The following VOPP1 variants were observed in gnomAD, a reference collection of about 807,000 sequenced individuals.
The protein encoded by VOPP1 is VOPP1 WW domain binding protein, also known as WW domain binding protein VOPP1.
In VOPP1, 8 loss-of-function variants were observed where a neutral mutation model predicts 23.5. The ratio of observed to expected loss-of-function variants is 0.34; its 90% CI spans 0.20 to 0.61. The LOEUF (loss-of-function observed/expected upper bound fraction) is 0.61, where lower values mean the gene tolerates loss of function less well. Among genes scored for constraint, VOPP1 ranks in the 20% least tolerant of loss-of-function variants. The pLI is 0.78. For missense variants in VOPP1, 174 were observed against 238.1 expected (o/e 0.73, Z 1.77); for synonymous variants, 83 against 97.3 (o/e 0.85, Z 0.86).
At chr7:55,539,410 T>G (rs1012409942) in intron 1 of VOPP1, 3 of 152,120 alleles carry the variant, frequency 2.0e-5, no homozygotes, top group Non-Finnish European at 4.4e-5. Flanking sequence ...ACCAAATCAA[T>G]TATCTATGAG....
chr7:55,555,812 A>T (rs928952875), intron 1 of VOPP1, among the ~76,000 whole-genome samples: 6 of 152,190 alleles, frequency 3.9e-5, no homozygotes, highest in Non-Finnish European at 8.8e-5. Context: ...CTGCTTACAA[A>T]AACCTTTCGG....
intron 1 of VOPP1, among the ~76,000 whole-genome samples, chr7:55,564,936 C>G (rs1277545466): frequency 6.6e-6 from 1 of 152,118 alleles, no homozygotes; most frequent in East Asian, 1.9e-4. Context: ...AAATGTGACT[C>G]CTAACGACCA....
intron 2 of VOPP1, among the ~76,000 whole-genome samples, chr7:55,499,637 G>A (rs964992025): frequency 6.6e-6 from 1 of 152,220 alleles, no homozygotes; most frequent in South Asian, 2.1e-4. Context: ...TTGAGAGCAC[G>A]AGGCAGCAGG....
chr7:55,522,940 C>T (rs773728947), intron 1 of VOPP1, among the ~76,000 whole-genome samples: 1 of 152,232 alleles, frequency 6.6e-6, no homozygotes, highest in Non-Finnish European at 1.5e-5. Context: ...ACTTTTTCTT[C>T]CAATCAGACA....
At chr7:55,450,771 T>C (rs1357209155) in intron 4 of VOPP1, among the ~76,000 whole-genome samples, 2 of 152,240 alleles carry the variant, frequency 1.3e-5, no homozygotes, top group African/African-American at 4.8e-5. Context: ...AGGATTGTCA[T>C]TGGTAAGGGC....
chr7:55,479,584 C>T (rs1216552834), intron 4 of VOPP1, among the ~76,000 whole-genome samples: 1 of 152,082 alleles, frequency 6.6e-6, no homozygotes, highest in Admixed American at 6.5e-5. Flanking sequence ...TTTCTCCTTC[C>T]TGATGGTTGA....
intron 4 of VOPP1, among the ~76,000 whole-genome samples, chr7:55,438,758 C>T (rs1790893196): frequency 6.6e-6 from 1 of 152,170 alleles, no homozygotes; most frequent in East Asian, 1.9e-4. Flanking sequence ...TTATCTGGCC[C>T]ACATTGTAAA....
chr7:55,520,944 G>T, intron 2 of VOPP1, 128 bp downstream of exon 2: 1 of 959,984 alleles, frequency 1.0e-6, no homozygotes, highest in Non-Finnish European at 1.6e-6. Flanking sequence ...AGTGAGGCAA[G>T]CCTGGCACCG....
intron 3 of VOPP1, among the ~76,000 whole-genome samples, chr7:55,494,033 C>T (rs1042062225): frequency 5.9e-5 from 9 of 152,018 alleles, no homozygotes; most frequent in Non-Finnish European, 1.2e-4. Context: ...GTGGAAAGAA[C>T]ACAGAGCAGG....
chr7:55,494,191 A>G (rs815952), intron 3 of VOPP1, among the ~76,000 whole-genome samples: 136,556 of 152,240 alleles, frequency 0.9, 61,413 homozygotes, highest in African/African-American at 0.92. Flanking sequence ...AAGAACACTC[A>G]CTAAGTTCCC....
chr7:55,543,089 G>A (rs1303631450), intron 1 of VOPP1, among the ~76,000 whole-genome samples: 1 of 151,866 alleles, frequency 6.6e-6, no homozygotes, highest in African/African-American at 2.4e-5. Flanking sequence ...CTAATTTTTT[G>A]TGTTTTTAGT....
At chr7:55,522,001 T>C (rs1187073474) in intron 1 of VOPP1, 3 of 703,938 alleles carry the variant, frequency 4.3e-6, no homozygotes, top group Non-Finnish European at 5.2e-6. Flanking sequence ...AAATAAAACC[T>C]TCAAAACATT....
chr7:55,454,291 A>G (rs1435121703), intron 4 of VOPP1, among the ~76,000 whole-genome samples: 2 of 152,220 alleles, frequency 1.3e-5, no homozygotes, highest in African/African-American at 4.8e-5. Context: ...AAGTTCTGAA[A>G]CTGAGGCAGC....
At chr7:55,483,980 C>T (rs1792938470) in intron 4 of VOPP1, among the ~76,000 whole-genome samples, 1 of 152,340 alleles carries the variant, frequency 6.6e-6, no homozygotes, top group East Asian at 1.9e-4. Flanking sequence ...TGGTCTCAAA[C>T]TCCTGACCTC....
intron 1 of VOPP1, chr7:55,539,591 T>C (rs1328850784): frequency 6.6e-6 from 1 of 152,176 alleles, no homozygotes; most frequent in Admixed American, 6.6e-5. Flanking sequence ...AAGGGCCACA[T>C]GTGAGGCTGA....
At chr7:55,445,282 C>CAA in intron 4 of VOPP1, among the ~76,000 whole-genome samples, 1 of 151,786 alleles carries the variant, frequency 6.6e-6, no homozygotes, top group African/African-American at 2.4e-5. Context: ...CACACAGACA[C>CAA]ACACACACAC....
chr7:55,461,508 T>A (rs1299005113), intron 4 of VOPP1, among the ~76,000 whole-genome samples: 1 of 151,974 alleles, frequency 6.6e-6, no homozygotes, highest in Non-Finnish European at 1.5e-5. Context: ...GCCTCCTGGG[T>A]CCTGGTTCAA....
intron 1 of VOPP1, among the ~76,000 whole-genome samples, chr7:55,545,464 G>A (rs1346484597): frequency 6.6e-6 from 1 of 152,188 alleles, no homozygotes; most frequent in Non-Finnish European, 1.5e-5. Context: ...CAGGAGGGAG[G>A]CACTCAGAGG....
chr7:55,526,974 G>A (rs1402231194), intron 1 of VOPP1: 2 of 152,242 alleles, frequency 1.3e-5, no homozygotes, highest in Non-Finnish European at 2.9e-5. Context: ...CTTTCAGCTT[G>A]AGCCCAATTA....
Sources: gnomAD v4.1 joint callset for allele counts (sites outside exome capture counted in the v4.1 genomes callset) on GRCh38, gnomAD v4.1.1 for gene constraint, MANE v1.5 for transcripts, NCBI Gene and HGNC (gene_info 2026-07-23, HGNC 2026-07-21) for gene names.